The following CCT3 variants were observed in gnomAD, a reference collection of about 807,000 sequenced individuals.
CCT3 encodes T-complex protein 1 subunit gamma.
Under a neutral mutation model 65.3 loss-of-function variants are expected in CCT3, and 10 were observed. The ratio of observed to expected loss-of-function variants is 0.15; its 90% CI spans 0.09 to 0.26. The LOEUF (loss-of-function observed/expected upper bound fraction) is 0.26, where lower values mean the gene tolerates loss of function less well. CCT3 is among the 10% of genes least tolerant of loss of function. The probability of loss-of-function intolerance (pLI) is 1.00; values close to 1 mark genes in which losing one functional copy is unlikely to be tolerated. For missense variants in CCT3, 626 were observed against 708.7 expected (o/e 0.88, Z 1.33); for synonymous variants, 225 against 242.3 (o/e 0.93, Z 0.66).
intron 8 of CCT3, among the ~76,000 whole-genome samples, chr1:156,317,956 C>A (rs898319689): frequency 1.3e-5 from 2 of 152,126 alleles, no homozygotes; most frequent in Non-Finnish European, 2.9e-5. Context: ...TCGTGATCCG[C>A]CCGCCTCTGC....
intron 10 of CCT3, among the ~76,000 whole-genome samples, chr1:156,313,748 C>G (rs1470925875): frequency 6.6e-6 from 1 of 152,186 alleles, no homozygotes; most frequent in Non-Finnish European, 1.5e-5. Context: ...CTCTAGACCA[C>G]ACAGTCAGAG....
Position 156,309,095 on chromosome 1 carries a change from C to G in CCT3, c.*104G>C. The G allele has an allele frequency of 1.3e-6, 1 of 789,798 alleles. No individual in the cohort carries two copies. The highest frequency in any genetic ancestry group is 2.2e-6 in the Non-Finnish European group (1 of 456,928). 48.9% of individuals were successfully genotyped at this position (789,798 alleles called of 1,614,324 possible). A position where few individuals can be genotyped will look rare whatever the true frequency, so the allele number is the denominator to read the frequency against. ...AAGGGACTGGGGGCTGCCCCCCAAC[C>G]TGATCCCTTCTGAACAAAGACGTCC... is the stretch of plus-strand genomic sequence containing the variant. On this transcript the variant is annotated 3_prime_UTR_variant, in exon 14 of 14. Transcript: ENST00000295688.
chr1:156,317,877 T>C (rs1167409408), intron 8 of CCT3, among the ~76,000 whole-genome samples: 1 of 151,100 alleles, frequency 6.6e-6, no homozygotes, highest in African/African-American at 2.4e-5. Flanking sequence ...CCCAGCTAAC[T>C]TTTTTTTTGT....
chr1:156,334,600 G>C, intron 4 of CCT3, 113 bp downstream of exon 4: 2 of 913,328 alleles, frequency 2.2e-6, no homozygotes, highest in Non-Finnish European at 3.4e-6. Context: ...ACCAGTTTCT[G>C]GTAATCTGTT....
intron 6 of CCT3, 43 bp from the exon 7 acceptor site, chr1:156,321,068 A>G: frequency 6.7e-7 from 1 of 1,487,156 alleles, no homozygotes; most frequent in East Asian, 2.3e-5. Flanking sequence ...AAGGCATGTT[A>G]GATATGTAGA....
At chr1:156,336,034 G>C in intron 1 of CCT3, 146 bp from the exon 2 acceptor site, 1 of 560,380 alleles carries the variant, frequency 1.8e-6, no homozygotes, top group Non-Finnish European at 3.1e-6. Flanking sequence ...CTTTAAATAA[G>C]TGCAGTTTAT....
intron 7 of CCT3, among the ~76,000 whole-genome samples, chr1:156,320,240 A>G (rs960581833): frequency 1.3e-5 from 2 of 152,070 alleles, no homozygotes; most frequent in Non-Finnish European, 2.9e-5. Context: ...CCCCGTCTCT[A>G]CTTAAAATAC....
At chr1:156,323,794 T>C (rs1430406276) in intron 6 of CCT3, among the ~76,000 whole-genome samples, 1 of 148,380 alleles carries the variant, frequency 6.7e-6, no homozygotes, top group Non-Finnish European at 1.5e-5. Context: ...GATGGAGTTT[T>C]GTTGTTCGCC....
intron 1 of CCT3, 56 bp downstream of exon 1, chr1:156,338,098 G>A: frequency 1.3e-6 from 2 of 1,555,200 alleles, no homozygotes; most frequent in Admixed American, 2.0e-5. Flanking sequence ...ACACTGAAAA[G>A]TATGGACAGA....
intron 6 of CCT3, among the ~76,000 whole-genome samples, chr1:156,322,088 A>C (rs866647086): frequency 1.1e-4 from 17 of 152,290 alleles, no homozygotes; most frequent in Admixed American, 3.3e-4. Flanking sequence ...ATCTCTATGA[A>C]AAATTTAGCA....
At chr1:156,337,760 G>T (rs958619280) in intron 1 of CCT3, 1 of 244,760 alleles carries the variant, frequency 4.1e-6, no homozygotes, top group Non-Finnish European at 8.0e-6. Context: ...GCTACTAAGG[G>T]ATGGGCCAAG....
At chr1:156,325,226 C>A (rs1664748707) in intron 5 of CCT3, 137 bp from the exon 6 acceptor site, 1 of 663,926 alleles carries the variant, frequency 1.5e-6, no homozygotes, top group Non-Finnish European at 2.7e-6. Flanking sequence ...TCATACTATT[C>A]CAAATTCTAC....
intron 9 of CCT3, 74 bp from the exon 10 acceptor site, chr1:156,317,321 C>T (rs768511741): frequency 2.3e-5 from 37 of 1,595,460 alleles, no homozygotes; most frequent in Admixed American, 1.7e-5. Flanking sequence ...TTAACCATGA[C>T]ACTATTACGC....
intron 8 of CCT3, 110 bp downstream of exon 8, chr1:156,318,758 G>A (rs1664414739): frequency 1.0e-6 from 1 of 1,002,518 alleles, no homozygotes; most frequent in Non-Finnish European, 1.5e-6. Flanking sequence ...AAGAGTCAGT[G>A]TACACTATGC....
chr1:156,319,145 C>A, intron 7 of CCT3, 128 bp from the exon 8 acceptor site: 2 of 748,184 alleles, frequency 2.7e-6, no homozygotes, highest in Non-Finnish European at 4.1e-6. Flanking sequence ...TGGAGTCTCG[C>A]TCTGTCGCTC....
chr1:156,325,643 T>C (rs530893552), intron 5 of CCT3, among the ~76,000 whole-genome samples: 2 of 151,240 alleles, frequency 1.3e-5, no homozygotes, highest in African/African-American at 4.9e-5. Context: ...GGTGGCGCAA[T>C]CTCTGCTCAC....
intron 6 of CCT3, among the ~76,000 whole-genome samples, chr1:156,323,142 A>G (rs1397691232): frequency 6.6e-6 from 1 of 152,038 alleles, no homozygotes; most frequent in Admixed American, 6.6e-5. Flanking sequence ...CCCTGTCTCT[A>G]CTAAAAATAC....
At chr1:156,330,208 G>C (rs185272213) in intron 5 of CCT3, among the ~76,000 whole-genome samples, 10 of 152,212 alleles carry the variant, frequency 6.6e-5, no homozygotes, top group Admixed American at 2.0e-4. Flanking sequence ...AAATAAAAAA[G>C]AGTATGAAAT....
intron 10 of CCT3, among the ~76,000 whole-genome samples, chr1:156,313,545 T>G (rs760599930): frequency 1.3e-5 from 2 of 152,164 alleles, no homozygotes; most frequent in African/African-American, 4.8e-5. Flanking sequence ...GGCAGTCAAG[T>G]TTATGTCTTG....
Sources: gnomAD v4.1 joint callset for allele counts (sites outside exome capture counted in the v4.1 genomes callset) on GRCh38, gnomAD v4.1.1 for gene constraint, MANE v1.5 for transcripts, NCBI Gene and HGNC (gene_info 2026-07-23, HGNC 2026-07-21) for gene names.